The following CSMD1 variants were observed in gnomAD, a reference collection of about 807,000 sequenced individuals.
The protein encoded by CSMD1 is CUB and Sushi multiple domains 1.
In CSMD1, 213 loss-of-function variants were observed where a neutral mutation model predicts 417.5. The observed-to-expected ratio is 0.51, with a 90% CI of 0.46 to 0.57. CSMD1 has a LOEUF of 0.57. CSMD1 is among the 20% of genes least tolerant of loss of function. CSMD1 has a pLI of 0.00. For synonymous variants in CSMD1, 2,862 were observed against 1,736.8 expected (o/e 1.65, Z -16.11); for missense variants, 6,923 against 4,529.7 (o/e 1.53, Z -15.17).
At chr8:3,080,851 G>T (rs993067775) in intron 49 of CSMD1, among the ~76,000 whole-genome samples, 2 of 152,174 alleles carry the variant, frequency 1.3e-5, no homozygotes, top group South Asian at 2.1e-4. Context: ...CTACTTTGGA[G>T]GGGGATGGCC....
chr8:3,311,399 G>C (rs892816331), intron 23 of CSMD1, among the ~76,000 whole-genome samples: 24 of 152,200 alleles, frequency 1.6e-4, no homozygotes, highest in African/African-American at 5.8e-4. Context: ...ATAAGTGCGA[G>C]CCATCACACC....
intron 1 of CSMD1, among the ~76,000 whole-genome samples, chr8:4,931,952 C>A (rs1423244926): frequency 5.9e-5 from 9 of 151,898 alleles, no homozygotes; most frequent in African/African-American, 1.9e-4. Flanking sequence ...TCTTGTGTAA[C>A]ATGTATTAGT....
rs374243053 is a variant in CSMD1 at position 3,730,370 on chromosome 8, A to ATT, written c.932-21881_932-21880dup. 2.5e-3 allele frequency among the ~76,000 whole-genome samples: 331 copies of ATT among 131,796 alleles called. 29 individuals carry two copies. The highest frequency in any genetic ancestry group is 4.2e-3 in the Middle Eastern group (1 of 240). The allele number at this position is 131,796 out of a possible 152,430, so 86.5% of individuals were successfully genotyped here. On this transcript the variant is annotated intron_variant, in intron 6 of 69. Transcript: ENST00000635120. ...TGCTCCCAAAAAAATTTAAGGAGCGATTTTTTTTTTTTTTTTGCCCTGTGT... is the reference window on the plus strand; with the variant it reads ...TGCTCCCAAAAAAATTTAAGGAGCGATTTTTTTTTTTTTTTTTTGCCCTGTGT...
At chr8:4,147,285 T>C (rs551447022) in intron 3 of CSMD1, among the ~76,000 whole-genome samples, 9 of 152,230 alleles carry the variant, frequency 5.9e-5, no homozygotes, top group African/African-American at 2.2e-4. Flanking sequence ...CGTAATTCCA[T>C]ACAAAGTTCC....
chr8:3,201,380 T>C (rs1796983926), intron 32 of CSMD1, among the ~76,000 whole-genome samples: 1 of 152,162 alleles, frequency 6.6e-6, no homozygotes, highest in Admixed American at 6.5e-5. Context: ...CTGAGATAAA[T>C]ATTATATTTT....
At chr8:4,040,781 T>C (rs929743292) in intron 3 of CSMD1, among the ~76,000 whole-genome samples, 8 of 152,258 alleles carry the variant, frequency 5.3e-5, no homozygotes, top group African/African-American at 1.9e-4. Flanking sequence ...ATTTGAAACC[T>C]AGAGACTAGA....
At chr8:3,799,624 G>A (rs925526375) in intron 5 of CSMD1, among the ~76,000 whole-genome samples, 13 of 151,830 alleles carry the variant, frequency 8.6e-5, no homozygotes, top group African/African-American at 2.9e-4. Flanking sequence ...ACCCCATTTG[G>A]CTTGTACTTG....
chr8:3,331,807 G>C (rs998535919), intron 23 of CSMD1, among the ~76,000 whole-genome samples: 1 of 152,180 alleles, frequency 6.6e-6, no homozygotes, highest in Non-Finnish European at 1.5e-5. Context: ...TTGAATAGCA[G>C]TTACTCCTAT....
At chr8:3,180,370 C>A (rs933172614) in intron 37 of CSMD1, among the ~76,000 whole-genome samples, 2 of 152,146 alleles carry the variant, frequency 1.3e-5, no homozygotes, top group African/African-American at 2.4e-5. Context: ...GCTCTCTACT[C>A]GTTCTTATTT....
chr8:3,259,098 A>G (rs1211245506), intron 26 of CSMD1, among the ~76,000 whole-genome samples: 2 of 152,224 alleles, frequency 1.3e-5, no homozygotes, highest in Non-Finnish European at 2.9e-5. Flanking sequence ...AGGTATCTTA[A>G]CCACAGCTTT....
At chr8:3,568,674 G>C (rs527873227) in intron 10 of CSMD1, among the ~76,000 whole-genome samples, 3 of 151,890 alleles carry the variant, frequency 2.0e-5, no homozygotes, top group Non-Finnish European at 2.9e-5. Context: ...TCTCATTCCA[G>C]CTGATATACT....
chr8:3,103,039 G>C (rs967282988), intron 46 of CSMD1, among the ~76,000 whole-genome samples: 5 of 152,132 alleles, frequency 3.3e-5, no homozygotes, highest in African/African-American at 4.8e-5. Flanking sequence ...CCAGCACCTG[G>C]ACCCATTTAG....
In CSMD1 at chr8:4,348,942, G is replaced by A. The variant is rs1007182075; in HGVS notation, c.415+71011C>T. Among the ~76,000 whole-genome samples the A allele has an allele frequency of 2.0e-4, 30 of 152,216 alleles. 1 individual carries two copies. The highest frequency in any genetic ancestry group is 1.8e-3 in the Admixed American group (28 of 15,280). On this transcript the variant is annotated intron_variant, in intron 3 of 69. Transcript: ENST00000635120. Reference sequence around the variant, plus strand: ...ACAGCTATTGTTCCTTAACCAGACAGTGCCCTCAGAATACTCTTGAATTGC... The same window carrying A: ...ACAGCTATTGTTCCTTAACCAGACAATGCCCTCAGAATACTCTTGAATTGC...
chr8:3,734,437 G>A (rs1404217683), intron 6 of CSMD1, among the ~76,000 whole-genome samples: 1 of 152,200 alleles, frequency 6.6e-6, no homozygotes, highest in African/African-American at 2.4e-5. Flanking sequence ...TCTGCCAGGT[G>A]CGATGGCTCA....
At chr8:3,263,170 C>G (rs1429705420) in intron 26 of CSMD1, among the ~76,000 whole-genome samples, 1 of 152,176 alleles carries the variant, frequency 6.6e-6, no homozygotes, top group Non-Finnish European at 1.5e-5. Context: ...ATGATCGCAG[C>G]TCACTGCAAC....
intron 1 of CSMD1, among the ~76,000 whole-genome samples, chr8:4,897,193 G>A (rs533934332): frequency 5.3e-5 from 8 of 152,122 alleles, no homozygotes; most frequent in African/African-American, 1.9e-4. Flanking sequence ...CAATGTCAGG[G>A]GAGGTAGAAT....
intron 7 of CSMD1, among the ~76,000 whole-genome samples, chr8:3,704,229 G>A (rs1283500762): frequency 6.6e-6 from 1 of 152,106 alleles, no homozygotes; most frequent in Non-Finnish European, 1.5e-5. Flanking sequence ...CAAAAATAGA[G>A]CAGCCTGGGA....
chr8:3,853,518 G>T (rs1349630036), intron 5 of CSMD1, among the ~76,000 whole-genome samples: 1 of 152,122 alleles, frequency 6.6e-6, no homozygotes, highest in Non-Finnish European at 1.5e-5. Context: ...CAATATGACT[G>T]CCTTGTTACT....
chr8:3,792,122 T>C (rs1227070219), intron 5 of CSMD1, among the ~76,000 whole-genome samples: 1 of 152,110 alleles, frequency 6.6e-6, no homozygotes, highest in African/African-American at 2.4e-5. Context: ...AGGGAGACCC[T>C]GTCTCTACGA....
Sources: allele counts gnomAD v4.1 joint callset (sites outside exome capture counted in the v4.1 genomes callset), GRCh38; gene constraint gnomAD v4.1.1; transcripts MANE v1.5; gene names NCBI Gene and HGNC (gene_info 2026-07-23, HGNC 2026-07-21).